C8orf34: variants seen among roughly 807,000 people sequenced by gnomAD.
C8orf34 encodes chromosome 8 open reading frame 34.
C8orf34 carries 65 observed loss-of-function variants against 68.3 expected under a neutral mutation model. That is an observed-to-expected ratio of 0.95 (90% confidence interval 0.78 to 1.17). The LOEUF is 1.17. Among genes scored for constraint, C8orf34 ranks in the 50% most tolerant of loss-of-function variants. The pLI, the probability that C8orf34 is intolerant of heterozygous loss-of-function variation, is 0.00. For synonymous variants in C8orf34, 244 were observed against 241.2 expected (o/e 1.01, Z -0.11); for missense variants, 664 against 655.4 (o/e 1.01, Z -0.14).
chr8:68,331,422 C>T, intron 1 of C8orf34, 83 bp downstream of exon 1: 2 of 1,405,112 alleles, frequency 1.4e-6, no homozygotes, highest in South Asian at 1.2e-5. Flanking sequence ...CCAATCCCAC[C>T]CCTCCCAGGG....
intron 3 of C8orf34, among the ~76,000 whole-genome samples, chr8:68,463,790 C>T (rs890182839): frequency 1.3e-5 from 2 of 152,244 alleles, no homozygotes; most frequent in Non-Finnish European, 2.9e-5. Flanking sequence ...TGGGACGTAT[C>T]TCAAAATAAT....
intron 9 of C8orf34, among the ~76,000 whole-genome samples, chr8:68,710,633 TAAG>T (rs542953819): frequency 3.1e-4 from 47 of 152,090 alleles, no homozygotes; most frequent in Admixed American, 1.6e-3. Context: ...AAGCCCCATA[TAAG>T]AAGAGGCTGA....
intron 8 of C8orf34, among the ~76,000 whole-genome samples, chr8:68,686,188 C>T (rs557027131): frequency 1.6e-4 from 24 of 152,124 alleles, no homozygotes; most frequent in African/African-American, 2.2e-4. Context: ...GATGGATTCA[C>T]GGCTGAATTC....
intron 5 of C8orf34, among the ~76,000 whole-genome samples, chr8:68,520,816 T>C (rs1224558088): frequency 1.3e-5 from 2 of 152,134 alleles, no homozygotes; most frequent in Non-Finnish European, 2.9e-5. Flanking sequence ...GTAAAATTTA[T>C]CACTAAACAT....
At chr8:68,417,658 A>G (rs191580466) in intron 1 of C8orf34, among the ~76,000 whole-genome samples, 2 of 152,310 alleles carry the variant, frequency 1.3e-5, no homozygotes, top group East Asian at 3.9e-4. Context: ...ACCAAGAATG[A>G]AACTAAGAAA....
At chr8:68,582,412 A>G (rs1459383316) in intron 7 of C8orf34, among the ~76,000 whole-genome samples, 2 of 152,106 alleles carry the variant, frequency 1.3e-5, no homozygotes, top group South Asian at 2.1e-4. Context: ...GAATTTCTTT[A>G]TGGCCAGCTC....
intron 1 of C8orf34, among the ~76,000 whole-genome samples, chr8:68,419,411 T>A (rs1003348836): frequency 1.2e-4 from 18 of 148,408 alleles, no homozygotes; most frequent in Admixed American, 1.1e-3. Context: ...ATTGTGGAAG[T>A]CAGTGTGGTG....
chr8:68,473,619 G>A (rs12548381), intron 4 of C8orf34, among the ~76,000 whole-genome samples: 14,469 of 151,984 alleles, frequency 0.095, 765 homozygotes, highest in Admixed American at 0.12. Context: ...ATGATTTGGG[G>A]GCTGCTTTTC....
chr8:68,425,100 C>G (rs1281142467), intron 1 of C8orf34, among the ~76,000 whole-genome samples: 6 of 152,054 alleles, frequency 3.9e-5, no homozygotes, highest in Non-Finnish European at 8.8e-5. Context: ...ATGAGGAAAA[C>G]TATCAGTACA....
intron 8 of C8orf34, among the ~76,000 whole-genome samples, chr8:68,696,204 T>C: frequency 6.7e-6 from 1 of 149,226 alleles, no homozygotes; most frequent in Non-Finnish European, 1.5e-5. Flanking sequence ...GTATATACTT[T>C]ATGTTATATA....
chr8:68,457,721 G>C (rs1811614355), intron 3 of C8orf34, among the ~76,000 whole-genome samples: 1 of 152,018 alleles, frequency 6.6e-6, no homozygotes, highest in Non-Finnish European at 1.5e-5. Context: ...AAGGTGCTGT[G>C]GGTACCTTGC....
chr8:68,477,495 G>T (rs1034034068), intron 4 of C8orf34, among the ~76,000 whole-genome samples: 2 of 152,188 alleles, frequency 1.3e-5, no homozygotes, highest in Non-Finnish European at 2.9e-5. Context: ...CTGGAGCACT[G>T]CCTAGTGGCA....
intron 5 of C8orf34, among the ~76,000 whole-genome samples, chr8:68,502,530 A>AT (rs1174208916): frequency 9.8e-5 from 15 of 152,324 alleles, no homozygotes; most frequent in African/African-American, 3.4e-4. Context: ...CCACATGTTC[A>AT]TAAAAAAAGC....
intron 7 of C8orf34, among the ~76,000 whole-genome samples, chr8:68,638,412 G>T (rs1341263318): frequency 1.3e-5 from 2 of 151,358 alleles, no homozygotes; most frequent in African/African-American, 4.9e-5. Flanking sequence ...TTTTAGATAG[G>T]TTCATAACCT....
At chr8:68,565,954 A>C (rs1816575833) in intron 7 of C8orf34, among the ~76,000 whole-genome samples, 1 of 152,162 alleles carries the variant, frequency 6.6e-6, no homozygotes. Context: ...ATTATACAAA[A>C]ATAGGTAAGA....
chr8:68,468,588 T>C (rs1382187495), intron 3 of C8orf34, 104 bp from the exon 4 acceptor site: 2 of 1,122,076 alleles, frequency 1.8e-6, no homozygotes, highest in Non-Finnish European at 2.4e-6. Flanking sequence ...AAACACTTTT[T>C]ATTCTATACA....
chr8:68,611,969 A>C (rs1246197693), intron 7 of C8orf34, among the ~76,000 whole-genome samples: 1 of 152,112 alleles, frequency 6.6e-6, no homozygotes, highest in Non-Finnish European at 1.5e-5. Flanking sequence ...TTCAAATACC[A>C]TATGCCAAGT....
At chr8:68,688,838 G>A (rs1203970672) in intron 8 of C8orf34, among the ~76,000 whole-genome samples, 1 of 152,024 alleles carries the variant, frequency 6.6e-6, no homozygotes, top group African/African-American at 2.4e-5. Flanking sequence ...GTTGGGGGAT[G>A]AGGAGAGGGA....
intron 8 of C8orf34, among the ~76,000 whole-genome samples, chr8:68,662,015 T>C (rs1819694736): frequency 6.6e-6 from 1 of 152,116 alleles, no homozygotes. Flanking sequence ...ATGTTAATTA[T>C]ATGCAAATAC....
Sources: allele counts gnomAD v4.1 joint callset (sites outside exome capture counted in the v4.1 genomes callset), GRCh38; gene constraint gnomAD v4.1.1; transcripts MANE v1.5; gene names NCBI Gene and HGNC (gene_info 2026-07-23, HGNC 2026-07-21).